Variants in GML observed in about 807,000 individuals in gnomAD.
GML encodes the protein glycosylphosphatidylinositol anchored molecule like.
GML carries 5 observed loss-of-function variants against 8.2 expected under a neutral mutation model. The observed-to-expected ratio is 0.61, with a 90% CI of 0.32 to 1.28. The LOEUF (loss-of-function observed/expected upper bound fraction) is 1.28, where lower values mean the gene tolerates loss of function less well. GML is among the 50% of genes most tolerant of loss of function. GML has a pLI of 0.06. For missense variants in GML, 191 were observed against 198.3 expected (o/e 0.96, Z 0.22); for synonymous variants, 72 against 69.0 (o/e 1.04, Z -0.22).
intron 1 of GML, among the ~76,000 whole-genome samples, chr8:142,839,116 A>T (rs1191257372): frequency 1.3e-5 from 2 of 152,132 alleles, no homozygotes; most frequent in African/African-American, 2.4e-5. Context: ...GGATGAGTGA[A>T]GGAGGCATCC....
intron 1 of GML, among the ~76,000 whole-genome samples, chr8:142,836,062 T>G (rs1383421892): frequency 1.3e-5 from 2 of 152,268 alleles, no homozygotes; most frequent in Admixed American, 1.3e-4. Context: ...GTCACCTTTG[T>G]GATAAACTGG....
intron 3 of GML, among the ~76,000 whole-genome samples, chr8:142,845,295 A>T (rs1162063803): frequency 6.6e-6 from 1 of 152,212 alleles, no homozygotes; most frequent in Non-Finnish European, 1.5e-5. Context: ...GTCTGCATGG[A>T]GGAACAGAGT....
Position 142,846,668 on chromosome 8 carries a change from TAGTC to T in GML, c.458_461del (p.Val153AlafsTer49). 1 of 1,613,856 alleles carries T rather than the reference TAGTC, an allele frequency of 6.2e-7. No individual in the cohort carries two copies. The highest frequency in any genetic ancestry group is 8.5e-7 in the Non-Finnish European group (1 of 1,179,772). ...CTGTTGCTGAGTTTTGCCTCTATCATAGTCAGCAATATATTGCCATGAGGACCCC... is the reference window on the plus strand; with the variant it reads ...CTGTTGCTGAGTTTTGCCTCTATCATAGCAATATATTGCCATGAGGACCCC... On this transcript the variant is annotated frameshift_variant, in exon 4 of 4. Transcript: ENST00000220940. LOFTEE classifies it high-confidence loss of function.
intron 3 of GML, among the ~76,000 whole-genome samples, chr8:142,842,266 T>C (rs1337346570): frequency 1.3e-5 from 2 of 152,150 alleles, no homozygotes; most frequent in Non-Finnish European, 2.9e-5. Context: ...GAACTGTGAG[T>C]CAGTTAAACC....
At chr8:142,839,603 C>T (rs906471042) in intron 1 of GML, among the ~76,000 whole-genome samples, 1 of 152,212 alleles carries the variant, frequency 6.6e-6, no homozygotes, top group Non-Finnish European at 1.5e-5. Flanking sequence ...CTGAGCACTG[C>T]GGGCTGACCT....
chr8:142,840,838 C>T (rs1265985012), intron 2 of GML, among the ~76,000 whole-genome samples: 1 of 152,112 alleles, frequency 6.6e-6, no homozygotes, highest in Admixed American at 6.5e-5. Context: ...GCGAGGTGAG[C>T]CAGGTCTGCA....
At chr8:142,840,567 G>A in intron 2 of GML, 57 bp downstream of exon 2, 1 of 1,219,026 alleles carries the variant, frequency 8.2e-7, no homozygotes, top group South Asian at 1.2e-5. Flanking sequence ...CTGGGGTGCT[G>A]GGGGTCACTG....
chr8:142,845,724 A>G (rs1455838388), intron 3 of GML, among the ~76,000 whole-genome samples: 1 of 152,188 alleles, frequency 6.6e-6, no homozygotes, highest in Non-Finnish European at 1.5e-5. Context: ...CCTCTAGTGA[A>G]GATTATTGAT....
chr8:142,840,100 A>G (rs1816405441), intron 1 of GML, among the ~76,000 whole-genome samples: 1 of 152,028 alleles, frequency 6.6e-6, no homozygotes, highest in South Asian at 2.1e-4. Context: ...TTCAGAATCA[A>G]CCAGCAGATA....
At position 142,846,825 on chromosome 8, in the gene GML, A is replaced by T. The variant is rs1181749654; in HGVS notation, c.*135A>T. ...CCCATTTATGGTTTGTTGTAAGAGA[A>T]AAATTAAAAAAATATTGTTTAGTGG... On this transcript the variant is annotated 3_prime_UTR_variant, in exon 4 of 4. Transcript: ENST00000220940. 3 of 626,166 alleles carry T rather than the reference A, an allele frequency of 4.8e-6. No homozygotes were observed. The African/African-American group carries it at 5.5e-5, about 12-fold the overall frequency. The allele number at this position is 626,166 out of a possible 1,614,324, so 38.8% of individuals were successfully genotyped here.
chr8:142,843,717 C>T (rs1217056786), intron 3 of GML, among the ~76,000 whole-genome samples: 2 of 152,082 alleles, frequency 1.3e-5, no homozygotes, highest in Non-Finnish European at 2.9e-5. Flanking sequence ...AAATGAAATC[C>T]AAGGAATGGT....
intron 3 of GML, among the ~76,000 whole-genome samples, chr8:142,844,079 C>T (rs58807873): frequency 2.0e-5 from 3 of 151,902 alleles, no homozygotes; most frequent in Non-Finnish European, 4.4e-5. Context: ...AACTATCAAA[C>T]CGTTTCCTTA....
In GML at chr8:142,837,299, C is replaced by CAAAAAAAAAAAA. The variant is rs61251350; in HGVS notation, c.-23+2438_-23+2439insAAAAAAAAAAAA. On this transcript the variant is annotated intron_variant, in intron 1 of 3. Coordinates refer to ENST00000220940, the MANE Select transcript of GML (RefSeq NM_002066.3). Reference sequence around the variant, plus strand: ...TGCAGGACAGAGCGAGACTCTGTTTCAAAAAAAGAAACTATGTCTCTTTTT... The same window carrying CAAAAAAAAAAAA: ...TGCAGGACAGAGCGAGACTCTGTTTCAAAAAAAAAAAAAAAAAAAGAAACTATGTCTCTTTTT... 1.8e-3 allele frequency among the ~76,000 whole-genome samples: 262 copies of CAAAAAAAAAAAA among 148,372 alleles called. 3 individuals carry two copies. In the East Asian group the frequency reaches 0.037, roughly 21 times the overall value.
rs1057204938 is a variant in GML, at chr8:142,846,783, A to G, written c.*93A>G. On this transcript the variant is annotated 3_prime_UTR_variant, in exon 4 of 4. Transcript: ENST00000220940. ...CCTTCTAAGCCAGAGACCCTTATCC[A>G]CTGCTCCTCTAGGTGGCCCATTTAT... 2.3e-5 allele frequency: 21 copies of G among 909,130 alleles called. No homozygotes were observed. Among genetic ancestry groups the G allele is most frequent in the Non-Finnish European group, 3.4e-5 (20 of 586,164 alleles). The allele number at this position is 909,130 out of a possible 1,614,324, so 56.3% of individuals were successfully genotyped here.
chr8:142,839,542 G>A (rs114662302), intron 1 of GML, among the ~76,000 whole-genome samples: 466 of 152,300 alleles, frequency 3.1e-3, no homozygotes, highest in African/African-American at 0.011. Flanking sequence ...TGGGGCCTTC[G>A]CGTGAGGGGA....
Position 142,840,024 on chromosome 8 carries a change from C to T in GML, c.-22-392C>T, listed in dbSNP as rs190364472. On this transcript the variant is annotated intron_variant, in intron 1 of 3. Coordinates refer to ENST00000220940, the MANE Select transcript of GML (RefSeq NM_002066.3). ...TGGGAGCGGGAAGCGCGTCAGTGGG[C>T]GGAGGGAGCGGGAAGCGCGTCAGTG... Among the ~76,000 whole-genome samples the T allele has an allele frequency of 9.5e-5, 14 of 147,004 alleles. No individual in the cohort carries two copies. The East Asian group carries it at 2.3e-3, about 24-fold the overall frequency.
intron 1 of GML, among the ~76,000 whole-genome samples, chr8:142,838,002 C>T (rs142262299): frequency 0.09 from 13,184 of 147,228 alleles, 1,722 homozygotes; most frequent in African/African-American, 0.24. Flanking sequence ...TGTAGCCAGC[C>T]TGGCTTTCAG....
intron 3 of GML, among the ~76,000 whole-genome samples, chr8:142,841,918 C>T (rs563475539): frequency 1.3e-5 from 2 of 152,322 alleles, no homozygotes; most frequent in East Asian, 3.9e-4. Context: ...TGTGGTTGTG[C>T]TTGCAACTTC....
At chr8:142,843,188 T>C (rs914719504) in intron 3 of GML, among the ~76,000 whole-genome samples, 3 of 151,514 alleles carry the variant, frequency 2.0e-5, no homozygotes, top group Non-Finnish European at 2.9e-5. Context: ...ATGAGGCATA[T>C]AGGAACTCTG....
Sources: allele counts gnomAD v4.1 joint callset (sites outside exome capture counted in the v4.1 genomes callset), GRCh38; gene constraint gnomAD v4.1.1; transcripts MANE v1.5; gene names NCBI Gene and HGNC (gene_info 2026-07-23, HGNC 2026-07-21).